The following ABCC4 variants were observed in gnomAD, a reference collection of about 807,000 sequenced individuals.
The protein encoded by ABCC4 is ATP binding cassette subfamily C member 4 (PEL blood group), also known as ATP-binding cassette sub-family C member 4.
ABCC4 carries 102 observed loss-of-function variants against 168.5 expected under a neutral mutation model. That is an observed-to-expected ratio of 0.61 (90% CI 0.52 to 0.71). The LOEUF is 0.71. Among genes scored for constraint, ABCC4 ranks in the 30% least tolerant of loss-of-function variants. The pLI, the probability that ABCC4 is intolerant of heterozygous loss-of-function variation, is 0.00. For synonymous variants in ABCC4, 617 were observed against 590.7 expected (o/e 1.04, Z -0.65); for missense variants, 1,402 against 1,605.8 (o/e 0.87, Z 2.17).
Position 95,194,820 on chromosome 13 carries a change from A to G in ABCC4, c.1263+16T>C. On this transcript the variant is annotated intron_variant, in intron 9 of 30. Transcript: ENST00000645237. ...TTATCTTCAGCAGTCATGATCTTGCATTAAGGATATGTTACCTTATCCCAA... is the reference window on the plus strand; with the variant it reads ...TTATCTTCAGCAGTCATGATCTTGCGTTAAGGATATGTTACCTTATCCCAA... 6.3e-7 allele frequency: 1 copy of G among 1,595,042 alleles called. No homozygotes were observed. Among genetic ancestry groups the G allele is most frequent in the South Asian group, 1.1e-5 (1 of 90,074 alleles).
rs909210662 is a variant in ABCC4, at chr13:95,020,240, G to A, written c.*1335C>T. 5 of 152,144 alleles carry A rather than the reference G, an allele frequency of 3.3e-5. No individual in the cohort carries two copies. The highest frequency in any genetic ancestry group is 4.4e-5 in the Non-Finnish European group (3 of 68,018). 9.4% of individuals were successfully genotyped at this position (152,144 alleles called of 1,614,324 possible). On this transcript the variant is annotated 3_prime_UTR_variant, in exon 31 of 31. Transcript: ENST00000645237. Reference sequence around the variant, plus strand: ...CTGATGAGCAAAAAACTTGCTATACGAAGGACAAATATATGTATACAAACA... The same window carrying A: ...CTGATGAGCAAAAAACTTGCTATACAAAGGACAAATATATGTATACAAACA...
At chr13:95,062,664 C>A in intron 26 of ABCC4, 40 bp downstream of exon 26, 1 of 1,556,080 alleles carries the variant, frequency 6.4e-7, no homozygotes, top group South Asian at 1.2e-5. Flanking sequence ...CATAGTAGCT[C>A]TTATAAAAGG....
intron 19 of ABCC4, among the ~76,000 whole-genome samples, chr13:95,150,099 G>A (rs898522817): frequency 2.6e-5 from 4 of 152,060 alleles, no homozygotes; most frequent in South Asian, 2.1e-4. Context: ...TCAGTCTCAC[G>A]AGGAGCCGGT....
chr13:95,041,799 G>C (rs2032373146), intron 29 of ABCC4, among the ~76,000 whole-genome samples: 3 of 152,202 alleles, frequency 2.0e-5, no homozygotes, highest in African/African-American at 7.2e-5. Context: ...TAGAATACAG[G>C]AGATGCTTTC....
intron 4 of ABCC4, among the ~76,000 whole-genome samples, chr13:95,212,256 T>G: frequency 1.3e-5 from 2 of 148,218 alleles, no homozygotes; most frequent in South Asian, 2.1e-4. Flanking sequence ...AATGTAGGAG[T>G]GAGGGAGAAG....
chr13:95,177,638 A>T, intron 13 of ABCC4, 69 bp downstream of exon 13: 25 of 1,292,288 alleles, frequency 1.9e-5, no homozygotes, highest in Non-Finnish European at 2.4e-5. Context: ...AAAGCCATAA[A>T]GGCTTTCCTG....
At chr13:95,218,687 A>G (rs1001283630) in intron 4 of ABCC4, among the ~76,000 whole-genome samples, 2 of 151,634 alleles carry the variant, frequency 1.3e-5, no homozygotes, top group African/African-American at 4.8e-5. Flanking sequence ...TCCTGTCTAC[A>G]AAAAAATTTA....
intron 11 of ABCC4, among the ~76,000 whole-genome samples, chr13:95,178,448 T>C (rs1005803865): frequency 1.3e-5 from 2 of 152,142 alleles, no homozygotes; most frequent in African/African-American, 4.8e-5. Flanking sequence ...TAAGAGGTGA[T>C]AAGTGCTAAG....
At chr13:95,071,624 T>G in intron 25 of ABCC4, 38 bp downstream of exon 25, 1 of 1,394,338 alleles carries the variant, frequency 7.2e-7, no homozygotes, top group Non-Finnish European at 9.4e-7. Context: ...GCACTAAATC[T>G]TCTGAAATTG....
chr13:95,158,395 G>A (rs571148394), intron 19 of ABCC4, among the ~76,000 whole-genome samples: 11 of 152,302 alleles, frequency 7.2e-5, no homozygotes, highest in Admixed American at 2.6e-4. Context: ...GGGCACTGGA[G>A]ATGGGGATAT....
chr13:95,151,406 C>T (rs1284777914), intron 19 of ABCC4, among the ~76,000 whole-genome samples: 4 of 147,232 alleles, frequency 2.7e-5, no homozygotes, highest in Non-Finnish European at 4.5e-5. Context: ...GCCCAGAGGG[C>T]GGAGGTTGCA....
At chr13:95,182,858 T>C (rs1393160258) in intron 11 of ABCC4, among the ~76,000 whole-genome samples, 1 of 152,200 alleles carries the variant, frequency 6.6e-6, no homozygotes, top group Non-Finnish European at 1.5e-5. Flanking sequence ...TCCTGAGGTA[T>C]GTCCTGTCAT....
At chr13:95,159,090 A>ATT (rs1219970795) in intron 19 of ABCC4, among the ~76,000 whole-genome samples, 2 of 33,602 alleles carry the variant, frequency 6.0e-5, no homozygotes, top group Non-Finnish European at 1.3e-4. Context: ...TTCTAAATAA[A>ATT]TTTTATATAT....
intron 1 of ABCC4, among the ~76,000 whole-genome samples, chr13:95,298,527 G>C (rs1343919387): frequency 6.6e-6 from 1 of 152,152 alleles, no homozygotes; most frequent in African/African-American, 2.4e-5. Context: ...AATCTCCCAA[G>C]TGATGCCGAT....
chr13:95,069,727 A>G (rs1189452), intron 25 of ABCC4, among the ~76,000 whole-genome samples: 116,110 of 152,116 alleles, frequency 0.76, 44,766 homozygotes, highest in South Asian at 0.9. Flanking sequence ...GTCTGGCCTA[A>G]TTCACTCAGC....
chr13:95,177,907 C>T (rs988216541), intron 12 of ABCC4, 90 bp downstream of exon 12: 19 of 1,496,388 alleles, frequency 1.3e-5, no homozygotes, highest in African/African-American at 5.5e-5. Flanking sequence ...TCACACAGGA[C>T]GCAATACACA....
At chr13:95,058,056 G>A (rs1036285292) in intron 26 of ABCC4, among the ~76,000 whole-genome samples, 28 of 152,244 alleles carry the variant, frequency 1.8e-4, no homozygotes, top group Non-Finnish European at 3.2e-4. Flanking sequence ...ATCTTCTGAC[G>A]CTCACTAGCC....
chr13:95,286,291 T>C (rs550104711), intron 1 of ABCC4, among the ~76,000 whole-genome samples: 1 of 151,728 alleles, frequency 6.6e-6, no homozygotes, highest in Non-Finnish European at 1.5e-5. Flanking sequence ...AGCTAATTTT[T>C]GTATTTTTAG....
intron 20 of ABCC4, among the ~76,000 whole-genome samples, chr13:95,108,300 C>T (rs1341634523): frequency 6.6e-6 from 1 of 152,088 alleles, no homozygotes; most frequent in Non-Finnish European, 1.5e-5. Context: ...TGGGTGGGCA[C>T]CAGATGACAA....
Sources: allele counts gnomAD v4.1 joint callset (sites outside exome capture counted in the v4.1 genomes callset), GRCh38; gene constraint gnomAD v4.1.1; transcripts MANE v1.5; gene names NCBI Gene and HGNC (gene_info 2026-07-23, HGNC 2026-07-21).